Variants in SLC35F3 observed in about 807,000 individuals in gnomAD.
SLC35F3 encodes putative thiamine transporter SLC35F3.
Under a neutral mutation model 49.9 loss-of-function variants are expected in SLC35F3, and 25 were observed. The observed-to-expected ratio is 0.50, with a 90% CI of 0.37 to 0.70. The LOEUF (loss-of-function observed/expected upper bound fraction) is 0.70. SLC35F3 is among the 30% of genes least tolerant of loss of function. SLC35F3 has a pLI of 0.00. For missense variants in SLC35F3, 525 were observed against 639.8 expected (o/e 0.82, Z 1.94); for synonymous variants, 275 against 265.4 (o/e 1.04, Z -0.35).
intron 4 of SLC35F3, among the ~76,000 whole-genome samples, chr1:234,316,286 G>A (rs578055364): frequency 6.6e-6 from 1 of 152,306 alleles, no homozygotes; most frequent in South Asian, 2.1e-4. Flanking sequence ...ACCTGCCACT[G>A]CAACTATGAC....
chr1:234,233,564 G>A (rs1357246248), intron 3 of SLC35F3, among the ~76,000 whole-genome samples: 1 of 152,242 alleles, frequency 6.6e-6, no homozygotes, highest in African/African-American at 2.4e-5. Flanking sequence ...AAACCGCACA[G>A]ATGGAATCAA....
chr1:234,139,426 CATT>C (rs1409064647), intron 2 of SLC35F3, among the ~76,000 whole-genome samples: 1 of 152,138 alleles, frequency 6.6e-6, no homozygotes, highest in Non-Finnish European at 1.5e-5. Flanking sequence ...AAGATAGACA[CATT>C]ATACTTTTTA....
At chr1:234,212,507 A>G (rs904389671) in intron 2 of SLC35F3, 2 of 152,216 alleles carry the variant, frequency 1.3e-5, no homozygotes, top group Non-Finnish European at 2.9e-5. Flanking sequence ...TCACACTTGG[A>G]TTTAAATCCC....
At position 233,937,416 on chromosome 1, in the gene SLC35F3, A is replaced by G. The variant is rs186856329; in HGVS notation, c.283+31658A>G. On this transcript the variant is annotated intron_variant, in intron 2 of 7. Coordinates refer to ENST00000366618, the MANE Select transcript of SLC35F3 (RefSeq NM_173508.4). ...TTAAAGTCAAGAGAAAAATTGTCCA[A>G]GGCTGCCTGTCTGAAGACTTCTGCC... Among the ~76,000 whole-genome samples the G allele has an allele frequency of 1.1e-3, 168 of 152,390 alleles. 1 individual carries two copies. Among genetic ancestry groups the G allele is most frequent in the Non-Finnish European group, 1.9e-3 (128 of 68,044 alleles).
At chr1:234,194,136 T>TAA (rs57680971) in intron 2 of SLC35F3, among the ~76,000 whole-genome samples, 7 of 151,904 alleles carry the variant, frequency 4.6e-5, no homozygotes, top group African/African-American at 1.7e-4. Flanking sequence ...AAGTCATTAT[T>TAA]AAAAAAAGAT....
At chr1:234,038,858 T>C (rs1664181426) in intron 2 of SLC35F3, among the ~76,000 whole-genome samples, 1 of 152,136 alleles carries the variant, frequency 6.6e-6, no homozygotes, top group Admixed American at 6.5e-5. Context: ...TAGGATTTGA[T>C]TCTGGGTTGG....
chr1:234,008,426 C>G (rs764679522), intron 2 of SLC35F3, among the ~76,000 whole-genome samples: 3 of 152,192 alleles, frequency 2.0e-5, no homozygotes, highest in Non-Finnish European at 2.9e-5. Context: ...AGAAGTAGGT[C>G]CCTCTCTGGT....
rs1665032867 is a variant in SLC35F3 at position 234,090,846 on chromosome 1, TA to T, written c.284-140568del. On this transcript the variant is annotated intron_variant, in intron 2 of 7. Coordinates refer to ENST00000366618, the MANE Select transcript of SLC35F3 (RefSeq NM_173508.4). ...GACCCACAGCCAGAAATGTTATCTA[TA>T]AAGAAGCTAGTGGGAGTTTTAAGAC... Among the ~76,000 whole-genome samples the T allele has an allele frequency of 2.0e-5, 3 of 152,282 alleles. No individual in the cohort carries two copies. In the South Asian group the frequency reaches 6.2e-4, roughly 32 times the overall value.
chr1:234,217,506 T>C (rs1290371100), intron 2 of SLC35F3, among the ~76,000 whole-genome samples: 1 of 152,210 alleles, frequency 6.6e-6, no homozygotes, highest in Non-Finnish European at 1.5e-5. Context: ...ACGGGGACAC[T>C]GAGAGTTGAG....
intron 3 of SLC35F3, among the ~76,000 whole-genome samples, chr1:234,262,326 T>G (rs1667917943): frequency 1.3e-5 from 2 of 152,232 alleles, no homozygotes; most frequent in South Asian, 4.1e-4. Flanking sequence ...TGAGCCTCTG[T>G]TTTCTCACCT....
chr1:234,144,198 C>G (rs977488106), intron 2 of SLC35F3, among the ~76,000 whole-genome samples: 1 of 152,202 alleles, frequency 6.6e-6, no homozygotes, highest in African/African-American at 2.4e-5. Flanking sequence ...CCCAGTGCTT[C>G]TCAGTTCTAA....
chr1:234,192,192 A>G (rs1316073859), intron 2 of SLC35F3, among the ~76,000 whole-genome samples: 2 of 152,216 alleles, frequency 1.3e-5, no homozygotes, highest in Non-Finnish European at 2.9e-5. Context: ...ATGAACATAG[A>G]TGCAAAAATC....
At chr1:234,062,683 CTT>C (rs552288112) in intron 2 of SLC35F3, among the ~76,000 whole-genome samples, 9 of 141,942 alleles carry the variant, frequency 6.3e-5, no homozygotes, top group Non-Finnish European at 7.8e-5. Flanking sequence ...TGAGCAAAAT[CTT>C]TTTTTTTTTT....
At chr1:234,128,075 T>A (rs1665675571) in intron 2 of SLC35F3, among the ~76,000 whole-genome samples, 1 of 152,114 alleles carries the variant, frequency 6.6e-6, no homozygotes, top group Non-Finnish European at 1.5e-5. Flanking sequence ...TGGAGTTAAG[T>A]GCCGGCTGCG....
chr1:234,211,654 T>C (rs975336735), intron 2 of SLC35F3, among the ~76,000 whole-genome samples: 1 of 152,256 alleles, frequency 6.6e-6, no homozygotes, highest in African/African-American at 2.4e-5. Context: ...TGAACAGCTG[T>C]ATTTACCCAA....
intron 2 of SLC35F3, among the ~76,000 whole-genome samples, chr1:234,011,199 G>A (rs547486022): frequency 2.6e-5 from 4 of 152,108 alleles, no homozygotes; most frequent in African/African-American, 9.6e-5. Context: ...AATTTTTTGT[G>A]AATCAGTGTA....
intron 2 of SLC35F3, among the ~76,000 whole-genome samples, chr1:234,000,743 G>A (rs1046017335): frequency 1.2e-4 from 19 of 152,150 alleles, no homozygotes; most frequent in African/African-American, 4.3e-4. Context: ...GCACATTGTC[G>A]AGCTTACAGA....
intron 2 of SLC35F3, among the ~76,000 whole-genome samples, chr1:234,090,300 A>G (rs902823222): frequency 6.6e-6 from 1 of 152,288 alleles, no homozygotes; most frequent in Non-Finnish European, 1.5e-5. Context: ...GAGCTATGAA[A>G]GATTTGCACA....
intron 2 of SLC35F3, among the ~76,000 whole-genome samples, chr1:234,010,567 C>T (rs1572018415): frequency 6.6e-6 from 1 of 151,960 alleles, no homozygotes; most frequent in Non-Finnish European, 1.5e-5. Flanking sequence ...ATTTTAAAAA[C>T]AAATTAAAAA....
Sources: allele counts gnomAD v4.1 joint callset (sites outside exome capture counted in the v4.1 genomes callset), GRCh38; gene constraint gnomAD v4.1.1; transcripts MANE v1.5; gene names NCBI Gene and HGNC (gene_info 2026-07-23, HGNC 2026-07-21).